Variants in MXI1 observed in about 807,000 individuals in gnomAD.
MXI1 encodes max-interacting protein 1.
MXI1 carries 18 observed loss-of-function variants against 36.9 expected under a neutral mutation model. The observed-to-expected ratio is 0.49, with a 90% CI of 0.34 to 0.72. The LOEUF is 0.72. MXI1 is among the 30% of genes least tolerant of loss of function. The pLI is 0.01. For missense variants in MXI1, 304 were observed against 379.1 expected, an observed-to-expected ratio of 0.80 and a Z score of 1.64; for synonymous variants, 160 against 146.7, an observed-to-expected ratio of 1.09 and a Z score of -0.65.
rs1473813218 is a variant in MXI1 at position 110,220,435 on chromosome 10, A to G, written c.275-7754A>G. Among the ~76,000 whole-genome samples, 3 of 152,220 alleles carry G rather than the reference A, an allele frequency of 2.0e-5. No individual in the cohort carries two copies. In the East Asian group the frequency reaches 5.8e-4, roughly 29 times the overall value. Reference sequence around the variant, plus strand: ...CAGGCAAGAGAATGGTATTTTTATTATAAGTGCTGCATCTGAGGCTGAGAG... The same window carrying G: ...CAGGCAAGAGAATGGTATTTTTATTGTAAGTGCTGCATCTGAGGCTGAGAG... On this transcript the variant is annotated intron_variant, in intron 1 of 5. Transcript: ENST00000332674.
intron 1 of MXI1, 114 bp downstream of exon 1, chr10:110,208,196 A>G: frequency 2.7e-6 from 3 of 1,097,812 alleles, no homozygotes; most frequent in Non-Finnish European, 3.8e-6. Flanking sequence ...ATACACATCC[A>G]GCCCTTGGCA....
intron 3 of MXI1, among the ~76,000 whole-genome samples, chr10:110,278,726 G>GCGTGTGTGCA (rs148968936): frequency 6.7e-6 from 1 of 149,698 alleles, no homozygotes; most frequent in African/African-American, 2.5e-5. Context: ...GTGTGTGTGT[G>GCGTGTGTGCA]TGCCCACACA....
Position 110,207,812 on chromosome 10 carries a change from G to A in MXI1, c.4G>A (p.Gly2Ser), listed in dbSNP as rs1854399774. 3.6e-6 allele frequency: 4 copies of A among 1,120,500 alleles called. No homozygotes were observed. The highest frequency in any genetic ancestry group is 1.1e-6 in the Non-Finnish European group (1 of 916,676). 69.4% of individuals were successfully genotyped at this position (1,120,500 alleles called of 1,614,324 possible). A position where few individuals can be genotyped will look rare whatever the true frequency, so the allele number is the denominator to read the frequency against. The change falls in exon 1 of 6, where the codon GGC becomes AGC. Residue 2 changes from glycine to serine, a missense_variant. Transcript: ENST00000332674. Reference sequence around the variant, plus strand: ...CTCGGCGGACCCCCGCTCCTCCATGGGCAAACGCGGGCGGCCGCGCAAGGA... The same window carrying A: ...CTCGGCGGACCCCCGCTCCTCCATGAGCAAACGCGGGCGGCCGCGCAAGGA... The part of the protein sequence containing the change: M[G>S]KRGRPRKEAR...
chr10:110,215,907 C>T (rs576702799), intron 1 of MXI1, among the ~76,000 whole-genome samples: 14 of 152,046 alleles, frequency 9.2e-5, no homozygotes, highest in African/African-American at 2.2e-4. Flanking sequence ...TGGAAGGGAA[C>T]GGGAGAGGCT....
chr10:110,245,728 T>C (rs150607983), intron 3 of MXI1: 1 of 152,216 alleles, frequency 6.6e-6, no homozygotes, highest in Non-Finnish European at 1.5e-5. Context: ...CTTGGAAATA[T>C]CGTTTTGGCT....
intron 1 of MXI1, chr10:110,227,248 GGGGCGTGTGCGGGAA>G (rs1418874174): frequency 1.3e-6 from 1 of 760,616 alleles, no homozygotes; most frequent in Admixed American, 8.5e-5. Context: ...GCGGGGGGGA[GGGGCGTGTGCGGGAA>G]GGGCGTGCGC....
At chr10:110,223,749 TGA>T (rs1854881622) in intron 1 of MXI1, among the ~76,000 whole-genome samples, 1 of 150,880 alleles carries the variant, frequency 6.6e-6, no homozygotes, top group Admixed American at 6.6e-5. Flanking sequence ...AGATCCAAAA[TGA>T]CCTGGGAAAG....
At chr10:110,278,213 C>G (rs1188697242) in intron 3 of MXI1, among the ~76,000 whole-genome samples, 1 of 152,194 alleles carries the variant, frequency 6.6e-6, no homozygotes. Flanking sequence ...TCAGAACTCT[C>G]TCATCACCAT....
At position 110,228,189 on chromosome 10, in the gene MXI1, A is replaced by G. The variant is rs769133848; in HGVS notation, c.275A>G (p.Lys92Arg). The change falls in exon 2 of 6, where the codon AAG becomes AGG. Residue 92 changes from lysine (K) to arginine (R), a missense_variant and splice_region_variant. This residue lies in a region of MXI1 where 179 missense variants were observed against 184.8 expected (regional missense o/e 0.97). Transcript: ENST00000332674. The part of the protein sequence containing the change: ...YLEQIEKENK[K>R]CEHGYASSFP... The stretch of plus-strand genomic sequence containing the variant: ...TATCTTTTTTTCTTGCTTTCTTCAG[A>G]GTGTGAACATGGCTACGCCTCTTCA... 3 of 1,613,854 alleles carry G rather than the reference A, an allele frequency of 1.9e-6. No individual in the cohort carries two copies. The highest frequency in any genetic ancestry group is 2.5e-6 in the Non-Finnish European group (3 of 1,179,968).
At chr10:110,240,623 T>C (rs1429278722) in intron 2 of MXI1, among the ~76,000 whole-genome samples, 1 of 152,086 alleles carries the variant, frequency 6.6e-6, no homozygotes, top group African/African-American at 2.4e-5. Flanking sequence ...AATCCCAGTA[T>C]ATTTTCAATC....
At chr10:110,274,202 G>GCCAAACA (rs1295060128) in intron 3 of MXI1, among the ~76,000 whole-genome samples, 1 of 152,148 alleles carries the variant, frequency 6.6e-6, no homozygotes. Context: ...CAAAATAAAA[G>GCCAAACA]CCAAACAGAC....
intron 4 of MXI1, 146 bp downstream of exon 4, chr10:110,279,440 C>A: frequency 1.5e-6 from 1 of 675,766 alleles, no homozygotes; most frequent in Non-Finnish European, 2.5e-6. Flanking sequence ...AACTTACCAG[C>A]TAATCTGATG....
chr10:110,275,750 G>T (rs3737315), intron 3 of MXI1, among the ~76,000 whole-genome samples: 68,573 of 151,904 alleles, frequency 0.45, 16,493 homozygotes, highest in South Asian at 0.72. Context: ...GAAATGACAT[G>T]TATCTTCCAC....
At chr10:110,279,693 C>T (rs759960151) in intron 4 of MXI1, among the ~76,000 whole-genome samples, 32 of 152,300 alleles carry the variant, frequency 2.1e-4, no homozygotes, top group Admixed American at 4.6e-4. Flanking sequence ...AGTAACATAG[C>T]ATTCATTACA....
chr10:110,277,226 A>G (rs1000275176), intron 3 of MXI1, among the ~76,000 whole-genome samples: 1 of 152,252 alleles, frequency 6.6e-6, no homozygotes, highest in Non-Finnish European at 1.5e-5. Flanking sequence ...CCAAATTGAC[A>G]AGGTATTCTT....
At chr10:110,210,266 C>T (rs917866733) in intron 1 of MXI1, 205 of 985,112 alleles carry the variant, frequency 2.1e-4, no homozygotes, top group Non-Finnish European at 2.3e-4. Context: ...AATCTGCCAG[C>T]CCCCGAGAGG....
At chr10:110,272,737 T>G (rs1464535287) in intron 3 of MXI1, among the ~76,000 whole-genome samples, 1 of 151,448 alleles carries the variant, frequency 6.6e-6, no homozygotes, top group African/African-American at 2.4e-5. Flanking sequence ...TGCAGCTTTA[T>G]TATACCACTT....
At chr10:110,277,584 A>G (rs911594837) in intron 3 of MXI1, among the ~76,000 whole-genome samples, 4 of 152,180 alleles carry the variant, frequency 2.6e-5, no homozygotes, top group African/African-American at 9.7e-5. Flanking sequence ...GAGGAAAGTG[A>G]CTTTGAAGTT....
chr10:110,214,742 G>C (rs568715469), intron 1 of MXI1, among the ~76,000 whole-genome samples: 98 of 151,182 alleles, frequency 6.5e-4, no homozygotes, highest in African/African-American at 2.3e-3. Flanking sequence ...TCTTCACTTA[G>C]ATACCACCAG....
Sources: allele counts gnomAD v4.1 joint callset (sites outside exome capture counted in the v4.1 genomes callset), GRCh38; gene constraint gnomAD v4.1.1; regional missense constraint gnomAD v4.1.1; transcripts MANE v1.5; gene names NCBI Gene and HGNC (gene_info 2026-07-23, HGNC 2026-07-21).